The following KREMEN1 variants were observed in gnomAD, a reference collection of about 807,000 sequenced individuals.
KREMEN1 encodes the protein kringle containing transmembrane protein 1.
A neutral mutation model predicts 46.5 loss-of-function variants in KREMEN1; 30 were observed. The ratio of observed to expected loss-of-function variants is 0.65; its 90% CI spans 0.48 to 0.88. The LOEUF (loss-of-function observed/expected upper bound fraction) is 0.88. Among genes scored for constraint, KREMEN1 ranks in the 40% least tolerant of loss-of-function variants. KREMEN1 has a pLI of 0.00. For missense variants in KREMEN1, 533 were observed against 596.9 expected (o/e 0.89, Z 1.11); for synonymous variants, 214 against 230.6 (o/e 0.93, Z 0.65).
intron 1 of KREMEN1, among the ~76,000 whole-genome samples, chr22:29,083,489 A>G (rs2037687303): frequency 6.6e-6 from 1 of 152,192 alleles, no homozygotes; most frequent in Admixed American, 6.5e-5. Context: ...GATACGAGAA[A>G]GGGGTCCTGA....
Position 29,143,874 on chromosome 22 carries a change from A to G in KREMEN1, c.*1762A>G, listed in dbSNP as rs1025471206. 2.0e-6 allele frequency: 2 copies of G among 985,462 alleles called. No individual in the cohort carries two copies. The highest frequency in any genetic ancestry group is 4.7e-5 in the South Asian group (1 of 21,284). The allele number at this position is 985,462 out of a possible 1,614,324, so 61.0% of individuals were successfully genotyped here. A position where few individuals can be genotyped will look rare whatever the true frequency, so the allele number is the denominator to read the frequency against. On this transcript the variant is annotated 3_prime_UTR_variant, in exon 9 of 9. Transcript: ENST00000400335. ...AGTCCCTTGCCACCCTGTCCCTTAG[A>G]TAGGGAGGTGGGCTGCAGAGATTGG...
intron 3 of KREMEN1, among the ~76,000 whole-genome samples, chr22:29,109,786 G>A (rs2038115743): frequency 6.6e-6 from 1 of 151,522 alleles, no homozygotes; most frequent in Non-Finnish European, 1.5e-5. Flanking sequence ...AAACTCAAGG[G>A]ATAAGGGCCT....
At chr22:29,147,707 T>C (rs1198245487), downstream of KREMEN1, among the ~76,000 whole-genome samples, 1 of 152,186 alleles carries the variant, frequency 6.6e-6, no homozygotes, top group African/African-American at 2.4e-5. Context: ...GTCGGGAGAC[T>C]CTACAGGCCC....
intron 5 of KREMEN1, among the ~76,000 whole-genome samples, chr22:29,129,858 C>T (rs560195508): frequency 7.2e-5 from 11 of 152,326 alleles, no homozygotes; most frequent in Admixed American, 7.2e-4. Flanking sequence ...GAGCTGTGTA[C>T]TGTGGGCAAG....
At chr22:29,086,378 C>T (rs2037728543) in intron 1 of KREMEN1, among the ~76,000 whole-genome samples, 1 of 152,132 alleles carries the variant, frequency 6.6e-6, no homozygotes. Context: ...TATGTGTGTA[C>T]AGGGTTGTTG....
At chr22:29,156,378 A>G (rs1053219650) in intron 9 of KREMEN1, among the ~76,000 whole-genome samples, 1 of 152,258 alleles carries the variant, frequency 6.6e-6, no homozygotes, top group African/African-American at 2.4e-5. Flanking sequence ...AGAGACAAAA[A>G]GAGAAAGACT....
chr22:29,105,889 G>A (rs964843169), intron 3 of KREMEN1, among the ~76,000 whole-genome samples: 1 of 152,138 alleles, frequency 6.6e-6, no homozygotes, highest in Non-Finnish European at 1.5e-5. Flanking sequence ...ACCAGCTCAG[G>A]TTTCTTTTAA....
intron 3 of KREMEN1, among the ~76,000 whole-genome samples, chr22:29,105,799 A>G (rs957569159): frequency 3.3e-5 from 5 of 152,136 alleles, no homozygotes; most frequent in African/African-American, 9.7e-5. Context: ...TCATTCACAC[A>G]CATCAGCCCT....
chr22:29,109,999 A>C (rs2038119952), intron 3 of KREMEN1, among the ~76,000 whole-genome samples: 1 of 152,246 alleles, frequency 6.6e-6, no homozygotes, highest in African/African-American at 2.4e-5. Context: ...CACAGCAGTT[A>C]TCATTCCTCT....
chr22:29,074,965 G>A (rs2037543663), intron 1 of KREMEN1, among the ~76,000 whole-genome samples: 2 of 152,204 alleles, frequency 1.3e-5, no homozygotes, highest in African/African-American at 2.4e-5. Flanking sequence ...TTCATCGAGT[G>A]CTAGACACCT....
chr22:29,131,546 ATATATATATATATATGTGTGTGTGTG>A (rs1420265854), intron 5 of KREMEN1, among the ~76,000 whole-genome samples: 4 of 46,370 alleles, frequency 8.6e-5, no homozygotes, highest in Non-Finnish European at 1.6e-4. Flanking sequence ...ATATATATAT[ATATATATATATATATGTGTGTGTGTG>A]TGTGTGTGTG....
In KREMEN1 at chr22:29,131,594, G is replaced by GTGTA. The variant is rs71324554; in HGVS notation, c.632-5747_632-5746insGTAT. Among the ~76,000 whole-genome samples, 526 of 121,730 alleles carry GTGTA rather than the reference G, an allele frequency of 4.3e-3. 26 individuals carry two copies. The highest frequency in any genetic ancestry group is 0.021 in the African/African-American group (504 of 23,662). 79.9% of individuals were successfully genotyped at this position (121,730 alleles called of 152,430 possible). A position where few individuals can be genotyped will look rare whatever the true frequency, so the allele number is the denominator to read the frequency against. On this transcript the variant is annotated intron_variant, in intron 5 of 8. Transcript: ENST00000400335. ...TGTGTGTGTGTGTGTGTGTGTGTGT[G>GTGTA]TATATGTATATATGTGTGTATATAT...
chr22:29,079,767 A>G (rs2037626580), intron 1 of KREMEN1, among the ~76,000 whole-genome samples: 1 of 152,232 alleles, frequency 6.6e-6, no homozygotes, highest in African/African-American at 2.4e-5. Flanking sequence ...CCTTCCAAAC[A>G]GACATATTAG....
intron 4 of KREMEN1, among the ~76,000 whole-genome samples, chr22:29,123,528 A>G (rs1012009876): frequency 6.6e-6 from 1 of 152,248 alleles, no homozygotes; most frequent in Non-Finnish European, 1.5e-5. Flanking sequence ...GTGGTGGCTC[A>G]AGCCTGTAAT....
chr22:29,111,166 G>T (rs2038140116), intron 3 of KREMEN1, among the ~76,000 whole-genome samples: 1 of 151,982 alleles, frequency 6.6e-6, no homozygotes, highest in Non-Finnish European at 1.5e-5. Flanking sequence ...TAATTAGCCA[G>T]CCATGGTAGT....
chr22:29,099,812 T>C (rs995297626), intron 3 of KREMEN1, among the ~76,000 whole-genome samples: 3 of 152,068 alleles, frequency 2.0e-5, no homozygotes, highest in Admixed American at 6.5e-5. Context: ...CCTCCCAAAG[T>C]GTTGGGATTA....
intron 3 of KREMEN1, among the ~76,000 whole-genome samples, chr22:29,119,774 C>G (rs944772707): frequency 2.0e-5 from 3 of 152,242 alleles, no homozygotes; most frequent in Non-Finnish European, 4.4e-5. Context: ...CTGTGAAACA[C>G]TAATATGCTC....
In KREMEN1 at chr22:29,094,270, C is replaced by T. The variant is rs575914851; in HGVS notation, c.110C>T (p.Ala37Val). ...GLGPGPECFT[A>V]NGADYRGTQN... The stretch of plus-strand genomic sequence containing the variant: ...TTTTTTCTTCTAGAGTGTTTCACAG[C>T]CAATGGTGCGGATTATAGGGGAACA... Residue 37 changes from alanine to valine, a missense_variant, in exon 2 of 9, where the codon GCC (alanine) becomes GTC (valine). Coordinates refer to ENST00000400335, the MANE Select transcript of KREMEN1 (RefSeq NM_001039570.3). 1.7e-5 allele frequency: 27 copies of T among 1,606,412 alleles called. No homozygotes were observed. The South Asian group carries it at 2.1e-4, about 13-fold the overall frequency.
At chr22:29,167,109 G>A (rs906949860) in exon 10 of KREMEN1, 3 of 1,551,186 alleles carry the variant, frequency 1.9e-6, no homozygotes, top group Non-Finnish European at 2.6e-6. Flanking sequence ...GTATCTGACT[G>A]TAGACACAAC....
Sources: allele counts gnomAD v4.1 joint callset (sites outside exome capture counted in the v4.1 genomes callset), GRCh38; gene constraint gnomAD v4.1.1; transcripts MANE v1.5; gene names NCBI Gene and HGNC (gene_info 2026-07-23, HGNC 2026-07-21).